PTGDR: variants seen among roughly 807,000 people sequenced by gnomAD.
PTGDR encodes the protein PGD2 receptor.
Under a neutral mutation model 17.4 loss-of-function variants are expected in PTGDR, and 19 were observed. The ratio of observed to expected loss-of-function variants is 1.09; its 90% confidence interval spans 0.76 to 1.60. PTGDR has a LOEUF of 1.60. Ranked by LOEUF, PTGDR falls within the 40% of genes most tolerant of loss-of-function variation. The probability of loss-of-function intolerance (pLI) is 0.00; values close to 1 mark genes in which losing one functional copy is unlikely to be tolerated. For synonymous variants in PTGDR, 267 were observed against 224.2 expected, an observed-to-expected ratio of 1.19 and a Z score of -1.71; for missense variants, 526 against 481.9, an observed-to-expected ratio of 1.09 and a Z score of -0.86.
downstream of PTGDR, among the ~76,000 whole-genome samples, chr14:52,280,787 T>C (rs1041396244): frequency 2.0e-5 from 3 of 152,276 alleles, no homozygotes; most frequent in South Asian, 6.2e-4. Flanking sequence ...ATGAAAATTA[T>C]GTATTTCTCA....
rs573656934 is a variant in PTGDR at position 52,268,661 on chromosome 14, G to A, written c.846+1G>A. ...CACTATGTGTTCTCTGCCCGTAATT[G>A]TGAGTCCCCGGGCCCCGAGGCAGCA... On this transcript the variant is annotated splice_donor_variant, in intron 1 of 1. Coordinates refer to ENST00000306051, the MANE Select transcript of PTGDR (RefSeq NM_000953.3). LOFTEE classifies it high-confidence loss of function. The A allele has an allele frequency of 3.2e-6, 5 of 1,560,048 alleles. No individual in the cohort carries two copies. In the South Asian group the frequency reaches 6.0e-5, roughly 19 times the overall value.
chr14:52,268,328 G>A lies in PTGDR; in HGVS notation c.514G>A (p.Gly172Arg), dbSNP rs142969446. 3.7e-5 allele frequency: 59 copies of A among 1,613,752 alleles called. No individual in the cohort carries two copies. The African/African-American group carries it at 6.0e-4, about 16-fold the overall frequency. Residue 172 changes from glycine (G) to arginine (R), a missense_variant, in exon 1 of 2, where the codon GGG (glycine) becomes AGG (arginine). Transcript: ENST00000306051. The part of the protein sequence containing the change: ...AFCALPFMGF[G>R]KFVQYCPGTW... ...CTGCGCGCTACCTTTCATGGGCTTC[G>A]GGAAGTTCGTGCAGTACTGCCCCGG...
In PTGDR at chr14:52,267,805, C is replaced by T. The variant is rs751969114; in HGVS notation, c.-10C>T. On this transcript the variant is annotated 5_prime_UTR_variant, in exon 1 of 2. Transcript: ENST00000306051. Reference sequence around the variant, plus strand: ...GCAGCCTTCACTCCAGCCCTCTGCTCCCGCACGCCATGAAGTCGCCGTTCT... The same window carrying T: ...GCAGCCTTCACTCCAGCCCTCTGCTTCCGCACGCCATGAAGTCGCCGTTCT... The T allele has an allele frequency of 5.9e-5, 92 of 1,546,674 alleles. No homozygotes were observed. The highest frequency in any genetic ancestry group is 7.5e-5 in the Non-Finnish European group (86 of 1,146,174).
At position 52,275,964 on chromosome 14, in the gene PTGDR, A is replaced by T. The variant is rs1172323118; in HGVS notation, c.*1000A>T. 6.6e-6 allele frequency: 1 copy of T among 152,562 alleles called. No homozygotes were observed. Among genetic ancestry groups the T allele is most frequent in the East Asian group, 1.9e-4 (1 of 5,196 alleles). 9.5% of individuals were successfully genotyped at this position (152,562 alleles called of 1,614,324 possible). On this transcript the variant is annotated 3_prime_UTR_variant, in exon 2 of 2. Transcript: ENST00000306051. ...GGCCTTAACATCTACCTTAACAGCT[A>T]CCTATTACAGCCGTATTCTGCTGTC...
chr14:52,270,655 CTTGGCCATAAA>C (rs2033307780), intron 1 of PTGDR, among the ~76,000 whole-genome samples: 1 of 152,190 alleles, frequency 6.6e-6, no homozygotes, highest in African/African-American at 2.4e-5. Flanking sequence ...GATTTTGTCT[CTTGGCCATAAA>C]ACCTAAAATA....
At position 52,268,437 on chromosome 14, in the gene PTGDR, C is replaced by A. The variant is rs199695977; in HGVS notation, c.623C>A (p.Ala208Glu). The A allele has an allele frequency of 1.2e-6, 2 of 1,609,898 alleles. No homozygotes were observed. Among genetic ancestry groups the A allele is most frequent in the Non-Finnish European group, 1.7e-6 (2 of 1,180,024 alleles). Residue 208 changes from alanine (A) to glutamate (E), a missense_variant, in exon 1 of 2, where the codon GCG becomes GAG. Coordinates refer to ENST00000306051, the MANE Select transcript of PTGDR (RefSeq NM_000953.3). ...GYSVLYSSLM[A>E]LLVLATVLCN... Reference sequence around the variant, plus strand: ...TCTGTGCTCTACTCCAGCCTCATGGCGCTGCTGGTCCTCGCCACCGTGCTG... The same window carrying A: ...TCTGTGCTCTACTCCAGCCTCATGGAGCTGCTGGTCCTCGCCACCGTGCTG...
At chr14:52,269,735 C>A (rs1034512562) in intron 1 of PTGDR, among the ~76,000 whole-genome samples, 2 of 152,032 alleles carry the variant, frequency 1.3e-5, no homozygotes, top group African/African-American at 4.8e-5. Context: ...TTACTGCTTG[C>A]GGAAAAAGAA....
At position 52,268,580 on chromosome 14, in the gene PTGDR, C is replaced by CA; in HGVS notation, c.767dup (p.Pro257AlafsTer35). On this transcript the variant is annotated frameshift_variant, in exon 1 of 2. Transcript: ENST00000306051. LOFTEE classifies it high-confidence loss of function. ...CGCGGACGGGAGGGAAGCGTCCCCT[C>CA]AGCCCCTGGAGGAGCTGGATCACCT... The CA allele has an allele frequency of 1.2e-6, 2 of 1,612,212 alleles. No homozygotes were observed. Among genetic ancestry groups the CA allele is most frequent in the South Asian group, 1.1e-5 (1 of 90,908 alleles).
chr14:52,267,843 A>G lies in PTGDR; in HGVS notation c.29A>G (p.Asn10Ser), dbSNP rs773329315. 1 of 1,582,394 alleles carries G rather than the reference A, an allele frequency of 6.3e-7. No homozygotes were observed. The highest frequency in any genetic ancestry group is 8.6e-7 in the Non-Finnish European group (1 of 1,163,076). ...AAGTCGCCGTTCTACCGCTGCCAGA[A>G]CACCACCTCTGTGGAAAAAGGCAAC... MKSPFYRCQ[N>S]TTSVEKGNSA... The change falls in exon 1 of 2, where the codon AAC becomes AGC. Residue 10 changes from asparagine (N) to serine (S), a missense_variant. Transcript: ENST00000306051.
At position 52,268,034 on chromosome 14, in the gene PTGDR, C is replaced by G; in HGVS notation, c.220C>G (p.Leu74Val). The change falls in exon 1 of 2, where the codon CTG becomes GTG. Residue 74 changes from leucine (L) to valine (V), a missense_variant. Transcript: ENST00000306051. Reference protein sequence around the residue: ...LVCGLTVTDLLGKCLLSPVVL... With the variant: ...LVCGLTVTDLVGKCLLSPVVL... ...GTGTGGCCTGACGGTCACCGACTTG[C>G]TGGGCAAGTGCCTCCTAAGCCCGGT... 1 of 1,611,588 alleles carries G rather than the reference C, an allele frequency of 6.2e-7. No homozygotes were observed. Among genetic ancestry groups the G allele is most frequent in the African/African-American group, 1.3e-5 (1 of 75,074 alleles).
rs1424774035 is a variant in PTGDR at position 52,275,895 on chromosome 14, A to G, written c.*931A>G. The G allele has an allele frequency of 6.6e-6, 1 of 152,648 alleles. No individual in the cohort carries two copies. Among genetic ancestry groups the G allele is most frequent in the Non-Finnish European group, 1.5e-5 (1 of 68,050 alleles). The allele number at this position is 152,648 out of a possible 1,614,324, so 9.5% of individuals were successfully genotyped here. On this transcript the variant is annotated 3_prime_UTR_variant, in exon 2 of 2. Transcript: ENST00000306051. ...GCACAGGGGGGCATTTGGCACAGCA[A>G]AAAGCCCACCCAGGACTTAGCCTCA...
chr14:52,275,175 TTTA>T lies in PTGDR; in HGVS notation c.*215_*217del, dbSNP rs1226220555. The T allele has an allele frequency of 2.0e-6, 1 of 491,666 alleles. No individual in the cohort carries two copies. The highest frequency in any genetic ancestry group is 3.6e-6 in the Non-Finnish European group (1 of 280,212). 30.5% of individuals were successfully genotyped at this position (491,666 alleles called of 1,614,324 possible). A position where few individuals can be genotyped will look rare whatever the true frequency, so the allele number is the denominator to read the frequency against. On this transcript the variant is annotated 3_prime_UTR_variant, in exon 2 of 2. Coordinates refer to ENST00000306051, the MANE Select transcript of PTGDR (RefSeq NM_000953.3). ...AACCCCTTCAGTGCATTTTCATTTTTTTATTAACAGCAACTAAAATTTTATATA... is the reference window on the plus strand; with the variant it reads ...AACCCCTTCAGTGCATTTTCATTTTTTTAACAGCAACTAAAATTTTATATA...
intron 1 of PTGDR, among the ~76,000 whole-genome samples, chr14:52,272,814 A>C (rs1011685436): frequency 3.9e-5 from 6 of 152,160 alleles, no homozygotes; most frequent in South Asian, 4.1e-4. Flanking sequence ...CATACACAGG[A>C]GAGCTCTCTC....
downstream of PTGDR, among the ~76,000 whole-genome samples, chr14:52,280,378 C>A (rs1479639247): frequency 6.6e-6 from 1 of 152,128 alleles, no homozygotes; most frequent in Admixed American, 6.5e-5. Context: ...TAAAATAAAT[C>A]TTGGGACCCC....
downstream of PTGDR, among the ~76,000 whole-genome samples, chr14:52,280,481 C>T (rs1365792257): frequency 2.0e-5 from 3 of 152,180 alleles, no homozygotes; most frequent in Non-Finnish European, 4.4e-5. Flanking sequence ...GGCTAAAATA[C>T]GAAAAGCTAC....
chr14:52,278,613 T>A (rs2033456885), downstream of PTGDR, among the ~76,000 whole-genome samples: 1 of 150,732 alleles, frequency 6.6e-6, no homozygotes, highest in East Asian at 1.9e-4. Flanking sequence ...ACTTAAAGTA[T>A]AATAATAATA....
downstream of PTGDR, among the ~76,000 whole-genome samples, chr14:52,277,839 C>T (rs2033448053): frequency 6.6e-6 from 1 of 151,778 alleles, no homozygotes; most frequent in African/African-American, 2.4e-5. Context: ...TATTTGAGAA[C>T]CACTGCTCTA....
chr14:52,274,301 G>A (rs1281795378), intron 1 of PTGDR, among the ~76,000 whole-genome samples: 1 of 152,190 alleles, frequency 6.6e-6, no homozygotes, highest in Non-Finnish European at 1.5e-5. Flanking sequence ...AATAGGAGAA[G>A]ATAGGAAGCA....
chr14:52,271,369 C>A (rs761961615), intron 1 of PTGDR, among the ~76,000 whole-genome samples: 16 of 152,000 alleles, frequency 1.1e-4, no homozygotes, highest in Non-Finnish European at 1.9e-4. Context: ...TCTAAGGACC[C>A]CTTTATACTC....
Sources: allele counts gnomAD v4.1 joint callset (sites outside exome capture counted in the v4.1 genomes callset), GRCh38; gene constraint gnomAD v4.1.1; transcripts MANE v1.5; gene names NCBI Gene and HGNC (gene_info 2026-07-23, HGNC 2026-07-21).